ARID5B: variants seen among roughly 807,000 people sequenced by gnomAD.
ARID5B encodes the protein AT-rich interaction domain 5B, also known as AT-rich interactive domain-containing protein 5B.
ARID5B carries 13 observed loss-of-function variants against 97.2 expected under a neutral mutation model. The observed-to-expected ratio is 0.13, with a 90% CI of 0.09 to 0.21. ARID5B has a LOEUF of 0.21. Ranked by LOEUF, ARID5B falls within the 10% of genes least tolerant of loss-of-function variation. The pLI is 1.00. For synonymous variants in ARID5B, 556 were observed against 570.3 expected, an observed-to-expected ratio of 0.97 and a Z score of 0.36; for missense variants, 1,210 against 1,465.3, an observed-to-expected ratio of 0.83 and a Z score of 2.84.
At chr10:61,999,964 C>A in intron 3 of ARID5B, 127 bp from the exon 4 acceptor site, 1 of 938,380 alleles carries the variant, frequency 1.1e-6, no homozygotes, top group Non-Finnish European at 1.6e-6. Context: ...TGGCATCCCC[C>A]AGACTGTAAC....
At chr10:61,911,653 C>T (rs1197806298) in intron 2 of ARID5B, among the ~76,000 whole-genome samples, 1 of 152,162 alleles carries the variant, frequency 6.6e-6, no homozygotes, top group Non-Finnish European at 1.5e-5. Context: ...ACGAGCGGCA[C>T]CCAGTTTTAA....
At position 62,000,584 on chromosome 10, in the gene ARID5B, G is replaced by A. The variant is rs1236222724; in HGVS notation, c.733+263G>A. Reference sequence around the variant, plus strand: ...AGTTGCTTGGTCGACCTTGAAATTGGACTTTAGGACAGGAAGCTTTCATGT... The same window carrying A: ...AGTTGCTTGGTCGACCTTGAAATTGAACTTTAGGACAGGAAGCTTTCATGT... On this transcript the variant is annotated intron_variant, in intron 4 of 9. Coordinates refer to ENST00000279873, the MANE Select transcript of ARID5B (RefSeq NM_032199.3). This position sits in a 1 kb window ranked among gnomAD's most constrained non-coding sequence, Gnocchi z 4.4. 6.6e-6 allele frequency among the ~76,000 whole-genome samples: 1 copy of A among 152,144 alleles called. No homozygotes were observed. The highest frequency in any genetic ancestry group is 1.9e-4 in the East Asian group (1 of 5,198).
chr10:61,902,337 G>A lies in ARID5B; in HGVS notation c.200G>A (p.Arg67Gln). 1 of 1,614,108 alleles carries A rather than the reference G, an allele frequency of 6.2e-7. No individual in the cohort carries two copies. Among genetic ancestry groups the A allele is most frequent in the Non-Finnish European group, 8.5e-7 (1 of 1,180,032 alleles). ...CTGTTGTGGGAAGAGAGGACCAGCC[G>A]GCAACTTTTATCCAGCTCTAAACTT... ...LQLLWEERTS[R>Q]QLLSSSKLYF... The change falls in exon 2 of 10, where the codon CGG becomes CAG. Residue 67 changes from arginine (R) to glutamine (Q), a missense_variant. Around this residue, in one of 8 missense-constraint regions of ARID5B, gnomAD observed 80 missense variants for 133.2 expected, o/e 0.60. Coordinates refer to ENST00000279873, the MANE Select transcript of ARID5B (RefSeq NM_032199.3).
At chr10:61,961,801 G>A (rs1000780709) in intron 3 of ARID5B, among the ~76,000 whole-genome samples, 1 of 150,184 alleles carries the variant, frequency 6.7e-6, no homozygotes, top group African/African-American at 2.5e-5. Context: ...AAGCTGGAGT[G>A]CAATGGTGCA....
intron 2 of ARID5B, among the ~76,000 whole-genome samples, chr10:61,935,351 A>T (rs1403621436): frequency 6.6e-6 from 1 of 152,164 alleles, no homozygotes; most frequent in African/African-American, 2.4e-5. Context: ...TTGGGACACA[A>T]ACATACCATG....
At chr10:61,916,818 T>C (rs1716705438) in intron 2 of ARID5B, among the ~76,000 whole-genome samples, 1 of 152,138 alleles carries the variant, frequency 6.6e-6, no homozygotes, top group South Asian at 2.1e-4. Context: ...CAAGGTCCCA[T>C]TTAAAAGCCA....
intron 3 of ARID5B, among the ~76,000 whole-genome samples, chr10:61,946,223 C>T (rs748154579): frequency 1.3e-5 from 2 of 151,978 alleles, no homozygotes; most frequent in East Asian, 1.9e-4. Context: ...CTGGAGGCCT[C>T]GTATTGCAAA....
At chr10:62,044,118 A>G (rs1001839226) in intron 4 of ARID5B, among the ~76,000 whole-genome samples, 4 of 151,826 alleles carry the variant, frequency 2.6e-5, no homozygotes, top group Non-Finnish European at 5.9e-5. Context: ...ATTCTGTGAG[A>G]GCAGAGTTCA....
intron 4 of ARID5B, among the ~76,000 whole-genome samples, chr10:62,023,255 C>A (rs1839378616): frequency 6.6e-6 from 1 of 152,224 alleles, no homozygotes; most frequent in Non-Finnish European, 1.5e-5. Flanking sequence ...TTCATCAACT[C>A]AGACTTCTTG....
At position 62,000,804 on chromosome 10, in the gene ARID5B, T is replaced by A. The variant is rs1001162915; in HGVS notation, c.733+483T>A. 2.0e-5 allele frequency among the ~76,000 whole-genome samples: 3 copies of A among 151,744 alleles called. No homozygotes were observed. The highest frequency in any genetic ancestry group is 7.3e-5 in the African/African-American group (3 of 41,240). ...GATAAATAGATAACCACTTTAGTACTGTACAGTAGATAGACACGTAGAGAG... is the reference window on the plus strand; with the variant it reads ...GATAAATAGATAACCACTTTAGTACAGTACAGTAGATAGACACGTAGAGAG... On this transcript the variant is annotated intron_variant, in intron 4 of 9. Transcript: ENST00000279873. The surrounding 1 kb of genome is among the most constrained non-coding windows in gnomAD (Gnocchi z 4.4).
intron 8 of ARID5B, among the ~76,000 whole-genome samples, chr10:62,074,919 C>T (rs1840108345): frequency 6.6e-6 from 1 of 152,228 alleles, no homozygotes; most frequent in South Asian, 2.1e-4. Context: ...TCTGTTGAAG[C>T]TAATAAAAAC....
At chr10:62,049,594 G>A (rs1839758401) in intron 4 of ARID5B, 3 of 1,434,030 alleles carry the variant, frequency 2.1e-6, no homozygotes, top group Non-Finnish European at 1.9e-6. Context: ...AGGGGAATGA[G>A]AGGAGAGAGC....
At chr10:62,046,685 A>T (rs970212726) in intron 4 of ARID5B, 17 of 150,622 alleles carry the variant, frequency 1.1e-4, no homozygotes, top group African/African-American at 3.9e-4. Flanking sequence ...GAGGGGAAAG[A>T]TTTTTTTTTT....
chr10:61,934,300 G>A (rs1266070586), intron 2 of ARID5B, among the ~76,000 whole-genome samples: 1 of 152,204 alleles, frequency 6.6e-6, no homozygotes, highest in Non-Finnish European at 1.5e-5. Context: ...CATATCAGCA[G>A]TAAGTCTGTT....
chr10:61,904,472 A>G (rs142654728), intron 2 of ARID5B, among the ~76,000 whole-genome samples: 12 of 152,260 alleles, frequency 7.9e-5, no homozygotes, highest in African/African-American at 2.9e-4. Context: ...TTTCTTTTTA[A>G]TTGTTCATTA....
intron 2 of ARID5B, among the ~76,000 whole-genome samples, chr10:61,919,074 G>T (rs1006881722): frequency 2.7e-4 from 39 of 143,476 alleles, no homozygotes; most frequent in Non-Finnish European, 4.5e-4. Flanking sequence ...AGGTGCGTTA[G>T]GGGACATCTC....
intron 8 of ARID5B, among the ~76,000 whole-genome samples, chr10:62,084,885 G>A (rs954147431): frequency 1.3e-5 from 2 of 152,060 alleles, no homozygotes; most frequent in African/African-American, 2.4e-5. Context: ...TCGCTGGGGC[G>A]GTCTTTTACT....
At chr10:61,917,390 C>T (rs1335393423) in intron 2 of ARID5B, among the ~76,000 whole-genome samples, 1 of 151,906 alleles carries the variant, frequency 6.6e-6, no homozygotes, top group Non-Finnish European at 1.5e-5. Context: ...GCAGTGATGC[C>T]ATCTCGGCTC....
intron 2 of ARID5B, among the ~76,000 whole-genome samples, chr10:61,931,703 T>A (rs1474850604): frequency 1.3e-5 from 2 of 152,202 alleles, no homozygotes; most frequent in Non-Finnish European, 2.9e-5. Flanking sequence ...AAAAAGGACA[T>A]GCAGTTGGTG....
Sources: allele counts gnomAD v4.1 joint callset (sites outside exome capture counted in the v4.1 genomes callset), GRCh38; gene constraint gnomAD v4.1.1; regional missense constraint gnomAD v4.1.1; non-coding constraint Gnocchi (gnomAD v3.1); transcripts MANE v1.5; gene names NCBI Gene and HGNC (gene_info 2026-07-23, HGNC 2026-07-21).